The following BCAS3 variants were observed in gnomAD, a reference collection of about 807,000 sequenced individuals.
BCAS3 encodes BCAS3 microtubule associated cell migration factor, also known as BCAS4/BCAS3 fusion.
BCAS3 carries 53 observed loss-of-function variants against 116.1 expected under a neutral mutation model. That is an observed-to-expected ratio of 0.46 (90% CI 0.37 to 0.57). The LOEUF is 0.57. Among genes scored for constraint, BCAS3 ranks in the 20% least tolerant of loss-of-function variants. The pLI is 0.00. For synonymous variants in BCAS3, 391 were observed against 408.2 expected, an observed-to-expected ratio of 0.96 and a Z score of 0.51; for missense variants, 917 against 1,165.4, an observed-to-expected ratio of 0.79 and a Z score of 3.10.
chr17:60,768,270 G>A (rs2044313094), intron 6 of BCAS3, among the ~76,000 whole-genome samples: 1 of 152,212 alleles, frequency 6.6e-6, no homozygotes, highest in Non-Finnish European at 1.5e-5. Flanking sequence ...ATTGATCAAG[G>A]ATGTGTCTGG....
In BCAS3 at chr17:61,041,008, T is replaced by C; in HGVS notation, c.2029+116T>C. 1.3e-6 allele frequency: 1 copy of C among 799,352 alleles called. No homozygotes were observed. The highest frequency in any genetic ancestry group is 2.0e-6 in the Non-Finnish European group (1 of 488,846). The allele number at this position is 799,352 out of a possible 1,614,324, so 49.5% of individuals were successfully genotyped here. ...TCCATAGGCCATGGGCCTTAAAGAA[T>C]CAGTTTGAGGCAAATAAGATATTTA... On this transcript the variant is annotated intron_variant, in intron 19 of 23. Transcript: ENST00000407086. The surrounding 1 kb of genome is among the most constrained non-coding windows in gnomAD (Gnocchi z 4.7).
rs2077817784 is a variant in BCAS3 at position 61,156,081 on chromosome 17, T to C, written c.2425+71517T>C. 6.6e-6 allele frequency among the ~76,000 whole-genome samples: 1 copy of C among 152,040 alleles called. No individual in the cohort carries two copies. Among genetic ancestry groups the C allele is most frequent in the Non-Finnish European group, 1.5e-5 (1 of 68,020 alleles). On this transcript the variant is annotated intron_variant, in intron 22 of 23. Transcript: ENST00000407086. The surrounding 1 kb of genome is among the most constrained non-coding windows in gnomAD (Gnocchi z 4.7). Reference sequence around the variant, plus strand: ...AGGCATTCAAAGGAAGAAAAGCATTTGCTGAGATTCACCTATCAGCAAATA... The same window carrying C: ...AGGCATTCAAAGGAAGAAAAGCATTCGCTGAGATTCACCTATCAGCAAATA...
In BCAS3 at chr17:61,097,059, G is replaced by A. The variant is rs1453053498; in HGVS notation, c.2425+12495G>A. ...CAAAGTTTTAAGAAACTCAGTGTAT[G>A]CTGAGTGAGATATTAATAAACACAA... On this transcript the variant is annotated intron_variant, in intron 22 of 23. Coordinates refer to ENST00000407086, the MANE Select transcript of BCAS3 (RefSeq NM_017679.5). This position sits in a 1 kb window ranked among gnomAD's most constrained non-coding sequence, Gnocchi z 4.0. Among the ~76,000 whole-genome samples the A allele has an allele frequency of 6.6e-6, 1 of 152,202 alleles. No individual in the cohort carries two copies. Among genetic ancestry groups the A allele is most frequent in the African/African-American group, 2.4e-5 (1 of 41,464 alleles).
intron 4 of BCAS3, among the ~76,000 whole-genome samples, chr17:60,704,207 G>GT (rs2036815544): frequency 6.6e-6 from 1 of 152,098 alleles, no homozygotes; most frequent in Non-Finnish European, 1.5e-5. Flanking sequence ...GCCTGAACGA[G>GT]TTTTTTAATG....
At chr17:61,201,620 T>C (rs2080820536) in intron 22 of BCAS3, among the ~76,000 whole-genome samples, 1 of 152,180 alleles carries the variant, frequency 6.6e-6, no homozygotes, top group Non-Finnish European at 1.5e-5. Context: ...TTGCTCAGGT[T>C]GTGGTTAATG....
chr17:60,898,229 G>A (rs1372594213), intron 10 of BCAS3, among the ~76,000 whole-genome samples: 1 of 152,140 alleles, frequency 6.6e-6, no homozygotes, highest in South Asian at 2.1e-4. Context: ...TTAGAATCTG[G>A]CTGGAGAGTT....
chr17:60,747,385 G>A, intron 6 of BCAS3, 106 bp downstream of exon 6: 1 of 892,652 alleles, frequency 1.1e-6, no homozygotes, highest in Non-Finnish European at 1.8e-6. Flanking sequence ...TTTCCTCCAA[G>A]TGTCCATTCC....
intron 4 of BCAS3, among the ~76,000 whole-genome samples, chr17:60,697,744 A>G (rs2143912208): frequency 6.6e-6 from 1 of 152,270 alleles, no homozygotes; most frequent in South Asian, 2.1e-4. Context: ...ATAAGTTAAG[A>G]CTGGACAAGG....
In BCAS3 at chr17:61,157,970, G is replaced by T. The variant is rs937105060; in HGVS notation, c.2425+73406G>T. Among the ~76,000 whole-genome samples the T allele has an allele frequency of 1.9e-4, 29 of 152,260 alleles. 1 individual carries two copies. The highest frequency in any genetic ancestry group is 1.9e-3 in the Admixed American group (29 of 15,292). ...AAACTGCTATTGTATATTTCTGACT[G>T]ATTTGATATCTCTTCTTTCCTTATT... On this transcript the variant is annotated intron_variant, in intron 22 of 23. Coordinates refer to ENST00000407086, the MANE Select transcript of BCAS3 (RefSeq NM_017679.5).
chr17:60,987,439 C>T (rs2063216060), intron 14 of BCAS3, among the ~76,000 whole-genome samples: 1 of 151,882 alleles, frequency 6.6e-6, no homozygotes, highest in Admixed American at 6.6e-5. Context: ...GTAGTATAGA[C>T]ATTTTAACAA....
rs1200171176 is a variant in BCAS3 at position 61,118,548 on chromosome 17, G to C, written c.2425+33984G>C. Among the ~76,000 whole-genome samples the C allele has an allele frequency of 6.6e-6, 1 of 152,202 alleles. No homozygotes were observed. Among genetic ancestry groups the C allele is most frequent in the Non-Finnish European group, 1.5e-5 (1 of 68,038 alleles). On this transcript the variant is annotated intron_variant, in intron 22 of 23. Coordinates refer to ENST00000407086, the MANE Select transcript of BCAS3 (RefSeq NM_017679.5). The surrounding 1 kb of genome is among the most constrained non-coding windows in gnomAD (Gnocchi z 5.0). ...CTTAGCCTTCTCCAACACCACCCCT[G>C]TGGAGGTGTTGGGCACCTTGTCATA...
chr17:60,998,909 T>A (rs888130445), intron 15 of BCAS3, among the ~76,000 whole-genome samples: 2 of 152,122 alleles, frequency 1.3e-5, no homozygotes, highest in Non-Finnish European at 2.9e-5. Context: ...CCAGAAGAGT[T>A]TTTCCTGGGT....
In BCAS3 at chr17:61,104,534, G is replaced by T. The variant is rs1050293357; in HGVS notation, c.2425+19970G>T. Reference sequence around the variant, plus strand: ...TGGGGATTGAGATATATGCCTTTCAGATCTGCACTTCATCTCATACTTCAT... The same window carrying T: ...TGGGGATTGAGATATATGCCTTTCATATCTGCACTTCATCTCATACTTCAT... On this transcript the variant is annotated intron_variant, in intron 22 of 23. Coordinates refer to ENST00000407086, the MANE Select transcript of BCAS3 (RefSeq NM_017679.5). This position sits in a 1 kb window ranked among gnomAD's most constrained non-coding sequence, Gnocchi z 4.1. Among the ~76,000 whole-genome samples, 1 of 152,118 alleles carries T rather than the reference G, an allele frequency of 6.6e-6. No individual in the cohort carries two copies. Among genetic ancestry groups the T allele is most frequent in the South Asian group, 2.1e-4 (1 of 4,832 alleles).
At chr17:61,078,843 T>C (rs1457780840) in intron 21 of BCAS3, among the ~76,000 whole-genome samples, 1 of 152,226 alleles carries the variant, frequency 6.6e-6, no homozygotes, top group Non-Finnish European at 1.5e-5. Context: ...TTATGTATTC[T>C]TTTCCTGATC....
intron 14 of BCAS3, among the ~76,000 whole-genome samples, chr17:60,984,007 T>C (rs2062974917): frequency 6.6e-6 from 1 of 152,258 alleles, no homozygotes; most frequent in Non-Finnish European, 1.5e-5. Flanking sequence ...CTGAACATAA[T>C]CGTAGGCAAG....
Position 61,365,801 on chromosome 17 carries a change from C to T in BCAS3, c.2426-2526C>T, listed in dbSNP as rs533681529. The stretch of plus-strand genomic sequence containing the variant: ...TGAAGTGAGAAAACAAATGGTCATT[C>T]TCTTCCCAATTTTCCAGGCTCTGAA... On this transcript the variant is annotated intron_variant, in intron 22 of 23. Coordinates refer to ENST00000407086, the MANE Select transcript of BCAS3 (RefSeq NM_017679.5). This position sits in a 1 kb window ranked among gnomAD's most constrained non-coding sequence, Gnocchi z 4.6. Among the ~76,000 whole-genome samples the T allele has an allele frequency of 1.3e-5, 2 of 152,234 alleles. No individual in the cohort carries two copies. Among genetic ancestry groups the T allele is most frequent in the East Asian group, 3.9e-4 (2 of 5,168 alleles).
chr17:61,027,672 C>G (rs2066352887), intron 16 of BCAS3, among the ~76,000 whole-genome samples: 1 of 151,770 alleles, frequency 6.6e-6, no homozygotes, highest in South Asian at 2.1e-4. Context: ...GTCTTAGATC[C>G]CAATTGACAC....
At chr17:61,150,114 C>T (rs1470730657) in intron 22 of BCAS3, among the ~76,000 whole-genome samples, 1 of 152,170 alleles carries the variant, frequency 6.6e-6, no homozygotes, top group East Asian at 1.9e-4. Flanking sequence ...CCCAACTAAA[C>T]AGCCAATAAT....
chr17:61,089,784 G>A (rs1051657841), intron 22 of BCAS3, among the ~76,000 whole-genome samples: 6 of 151,502 alleles, frequency 4.0e-5, no homozygotes, highest in African/African-American at 1.2e-4. Flanking sequence ...CACCCACCTC[G>A]GCCTCCCAAA....
Sources: allele counts gnomAD v4.1 joint callset (sites outside exome capture counted in the v4.1 genomes callset), GRCh38; gene constraint gnomAD v4.1.1; non-coding constraint Gnocchi (gnomAD v3.1); transcripts MANE v1.5; gene names NCBI Gene and HGNC (gene_info 2026-07-23, HGNC 2026-07-21).